Variants in HDAC9 observed in about 807,000 individuals in gnomAD.
HDAC9 encodes MEF-2 interacting transcription repressor (MITR) protein.
A neutral mutation model predicts 139.4 loss-of-function variants in HDAC9; 41 were observed. That is an observed-to-expected ratio of 0.29 (90% CI 0.23 to 0.38). The LOEUF is 0.38. HDAC9 is among the 10% of genes least tolerant of loss of function. The pLI is 1.00. For synonymous variants in HDAC9, 517 were observed against 476.2 expected (o/e 1.09, Z -1.12); for missense variants, 1,147 against 1,297.0 (o/e 0.88, Z 1.78).
intron 1 of HDAC9, chr7:18,087,262 T>G (rs1409963197): frequency 6.6e-6 from 1 of 152,104 alleles, no homozygotes. Context: ...AGGAAAGCCC[T>G]GGGAATTGGG....
intron 2 of HDAC9, among the ~76,000 whole-genome samples, chr7:18,520,497 T>G (rs764590983): frequency 1.3e-4 from 20 of 152,182 alleles, no homozygotes; most frequent in Non-Finnish European, 2.5e-4. Context: ...TAAGGGAGTA[T>G]GATGAACCAT....
chr7:18,508,921 C>T (rs1243207757), intron 2 of HDAC9, among the ~76,000 whole-genome samples: 2 of 152,080 alleles, frequency 1.3e-5, no homozygotes, highest in South Asian at 4.1e-4. Flanking sequence ...CATAACTTCC[C>T]AAGAAAATAT....
chr7:18,694,641 G>C (rs987779015), intron 12 of HDAC9, among the ~76,000 whole-genome samples: 2 of 151,970 alleles, frequency 1.3e-5, no homozygotes, highest in Non-Finnish European at 2.9e-5. Flanking sequence ...AAAGAGACTC[G>C]CAAATCCCTT....
chr7:18,564,290 T>C (rs1583439155), intron 2 of HDAC9, among the ~76,000 whole-genome samples: 1 of 152,328 alleles, frequency 6.6e-6, no homozygotes, highest in African/African-American at 2.4e-5. Context: ...GTCCTGATTT[T>C]ATGTCTGTCA....
intron 12 of HDAC9, among the ~76,000 whole-genome samples, chr7:18,707,010 C>T (rs1000973858): frequency 1.3e-5 from 2 of 151,954 alleles, no homozygotes; most frequent in African/African-American, 4.8e-5. Context: ...GAGGAGTGAA[C>T]AATGAGGCAC....
chr7:18,917,973 G>A (rs548446972), intron 22 of HDAC9, among the ~76,000 whole-genome samples: 31 of 152,096 alleles, frequency 2.0e-4, no homozygotes, highest in South Asian at 1.9e-3. Flanking sequence ...TGTCATTAGC[G>A]TTGACAGACA....
intron 1 of HDAC9, among the ~76,000 whole-genome samples, chr7:18,094,219 A>G (rs1782356011): frequency 6.6e-6 from 1 of 152,188 alleles, no homozygotes; most frequent in African/African-American, 2.4e-5. Context: ...TTCTCAAAGA[A>G]GGAAATTGTG....
Position 18,762,248 on chromosome 7 carries a change from G to T in HDAC9, c.2135G>T (p.Gly712Val). Residue 712 changes from glycine to valine, a missense_variant, in exon 15 of 26, where the codon GGA becomes GTA. Gly to Val is a moderately radical substitution (Grantham distance 109, BLOSUM62 -3). Around this residue, in one of 7 missense-constraint regions of HDAC9, gnomAD observed 407 missense variants for 521.5 expected, o/e 0.78. Coordinates refer to ENST00000686413, the MANE Select transcript of HDAC9 (RefSeq NM_178425.4). ...TTGTATGGCACCAACCCCCTGGACG[G>T]ACAGAAGCTGGACCCCAGGATACTC... The part of the protein sequence containing the change: ...SLLYGTNPLD[G>V]QKLDPRILLG... 1.2e-6 allele frequency: 2 copies of T among 1,613,612 alleles called. No individual in the cohort carries two copies. Among genetic ancestry groups the T allele is most frequent in the Non-Finnish European group, 1.7e-6 (2 of 1,179,690 alleles).
intron 1 of HDAC9, among the ~76,000 whole-genome samples, chr7:18,409,730 A>C (rs919730021): frequency 6.6e-6 from 1 of 152,244 alleles, no homozygotes; most frequent in Non-Finnish European, 1.5e-5. Flanking sequence ...GTGATTCCAC[A>C]TAATGAACTA....
rs142895091 is a variant in HDAC9 at position 18,920,928 on chromosome 7, G to A, written c.2804-14881G>A. Among the ~76,000 whole-genome samples, 68 of 151,806 alleles carry A rather than the reference G, an allele frequency of 4.5e-4. No homozygotes were observed. The East Asian group carries it at 7.0e-3, about 16-fold the overall frequency. ...TTATTGAGGATTCAGAAATAATGCCGCATATCTACAACTATCTGATCTTTG... is the reference window on the plus strand; with the variant it reads ...TTATTGAGGATTCAGAAATAATGCCACATATCTACAACTATCTGATCTTTG... On this transcript the variant is annotated intron_variant, in intron 22 of 25. Transcript: ENST00000686413.
intron 17 of HDAC9, among the ~76,000 whole-genome samples, chr7:18,821,926 GAC>G (rs1309305992): frequency 6.6e-6 from 1 of 152,186 alleles, no homozygotes; most frequent in Non-Finnish European, 1.5e-5. Context: ...TACTATGAGA[GAC>G]ACAACTCAGG....
At chr7:18,392,812 G>A (rs1786656512) in intron 1 of HDAC9, among the ~76,000 whole-genome samples, 1 of 150,566 alleles carries the variant, frequency 6.6e-6, no homozygotes, top group South Asian at 2.1e-4. Context: ...AGGGCTAAGG[G>A]AAGCAGCTGA....
At chr7:18,877,768 G>A (rs950614581) in intron 22 of HDAC9, among the ~76,000 whole-genome samples, 1 of 152,026 alleles carries the variant, frequency 6.6e-6, no homozygotes, top group East Asian at 1.9e-4. Context: ...AAATATAGAG[G>A]TGATTTAAAA....
At chr7:18,524,590 TA>T (rs1806190396) in intron 2 of HDAC9, among the ~76,000 whole-genome samples, 1 of 152,152 alleles carries the variant, frequency 6.6e-6, no homozygotes, top group Admixed American at 6.6e-5. Context: ...GCATAACGTT[TA>T]AAAACAAAAA....
chr7:18,421,071 C>A (rs972770052), intron 1 of HDAC9, among the ~76,000 whole-genome samples: 1 of 152,180 alleles, frequency 6.6e-6, no homozygotes, highest in Non-Finnish European at 1.5e-5. Context: ...TGCTTCTGTA[C>A]TATGTCCTAC....
At chr7:18,727,792 G>C (rs1047653753) in intron 13 of HDAC9, 35 bp downstream of exon 13, 5 of 1,399,338 alleles carry the variant, frequency 3.6e-6, no homozygotes, top group Non-Finnish European at 3.8e-6. Flanking sequence ...TAATAGGCAG[G>C]CTAAATGCCC....
upstream of HDAC9, among the ~76,000 whole-genome samples, chr7:18,286,235 C>G (rs1236841195): frequency 6.6e-6 from 1 of 151,744 alleles, no homozygotes; most frequent in Non-Finnish European, 1.5e-5. Flanking sequence ...CATGACCATG[C>G]TTCCTAAGAA....
chr7:18,134,939 A>G (rs1785283586), intron 1 of HDAC9, among the ~76,000 whole-genome samples: 1 of 152,194 alleles, frequency 6.6e-6, no homozygotes, highest in African/African-American at 2.4e-5. Flanking sequence ...TCTGACTTCA[A>G]TGATTTTTAT....
At chr7:18,188,541 C>T (rs1339882710) in intron 2 of HDAC9, among the ~76,000 whole-genome samples, 2 of 152,262 alleles carry the variant, frequency 1.3e-5, no homozygotes, top group Non-Finnish European at 1.5e-5. Flanking sequence ...GCAAAAGAAA[C>T]TATCAGAGTG....
Sources: gnomAD v4.1 joint callset for allele counts (sites outside exome capture counted in the v4.1 genomes callset) on GRCh38, gnomAD v4.1.1 for gene constraint, gnomAD v4.1.1 regional missense constraint, MANE v1.5 for transcripts, NCBI Gene and HGNC (gene_info 2026-07-23, HGNC 2026-07-21) for gene names.